Variants in MEIOB observed in about 807,000 individuals in gnomAD.
The protein encoded by MEIOB is meiosis specific with OB-fold.
In MEIOB, 50 loss-of-function variants were observed where a neutral mutation model predicts 53.1. The observed-to-expected ratio is 0.94, with a 90% CI of 0.75 to 1.19. The LOEUF (loss-of-function observed/expected upper bound fraction) is 1.19. Among genes scored for constraint, MEIOB ranks in the 50% most tolerant of loss-of-function variants. The pLI is 0.00. For missense variants in MEIOB, 551 were observed against 550.8 expected (o/e 1.00, Z 0.00); for synonymous variants, 192 against 182.5 (o/e 1.05, Z -0.42).
rs960351379 is a variant in MEIOB at position 1,869,521 on chromosome 16, C to T, written c.-9-1337G>A. 9.3e-4 allele frequency among the ~76,000 whole-genome samples: 141 copies of T among 151,920 alleles called. 1 individual carries two copies. Among genetic ancestry groups the T allele is most frequent in the African/African-American group, 3.3e-3 (137 of 41,318 alleles). On this transcript the variant is annotated intron_variant, in intron 1 of 13. Transcript: ENST00000325962. Reference sequence around the variant, plus strand: ...GGAGTGCAGTGGTGCAATCTCAGCTCACTGCAAGCTCCACCTCCTGGGTTC... The same window carrying T: ...GGAGTGCAGTGGTGCAATCTCAGCTTACTGCAAGCTCCACCTCCTGGGTTC...
At chr16:1,838,580 C>G (rs556057233) in intron 12 of MEIOB, among the ~76,000 whole-genome samples, 1 of 152,136 alleles carries the variant, frequency 6.6e-6, no homozygotes, top group East Asian at 1.9e-4. Flanking sequence ...GTAGGTGAAA[C>G]ACAGCCAAAT....
chr16:1,848,821 GGCATGAGCCAC>G (rs560928717), intron 9 of MEIOB, among the ~76,000 whole-genome samples: 4 of 152,100 alleles, frequency 2.6e-5, no homozygotes, highest in African/African-American at 9.6e-5. Context: ...TGGGATTACA[GGCATGAGCCAC>G]TGCGCCTGGC....
intron 10 of MEIOB, among the ~76,000 whole-genome samples, chr16:1,842,387 GGCAGATCACCT>G (rs1898932813): frequency 6.6e-6 from 1 of 151,058 alleles, no homozygotes; most frequent in Non-Finnish European, 1.5e-5. Context: ...GGTCGAGGTG[GGCAGATCACCT>G]GAGGTTGGGA....
intron 5 of MEIOB, 53 bp downstream of exon 5, chr16:1,860,350 C>A: frequency 1.0e-6 from 1 of 956,638 alleles, no homozygotes; most frequent in Non-Finnish European, 1.6e-6. Context: ...TCTGATACAA[C>A]ATTATTAGTA....
At chr16:1,863,849 T>A (rs1345632956) in intron 3 of MEIOB, among the ~76,000 whole-genome samples, 1 of 152,206 alleles carries the variant, frequency 6.6e-6, no homozygotes, top group Non-Finnish European at 1.5e-5. Context: ...AAATTTCATA[T>A]TGGTTTTGCT....
At position 1,834,045 on chromosome 16, in the gene MEIOB, G is replaced by C; in HGVS notation, c.*211C>G. 2.3e-6 allele frequency: 1 copy of C among 436,242 alleles called. No individual in the cohort carries two copies. 27.0% of individuals were successfully genotyped at this position (436,242 alleles called of 1,614,324 possible). A position where few individuals can be genotyped will look rare whatever the true frequency, so the allele number is the denominator to read the frequency against. On this transcript the variant is annotated 3_prime_UTR_variant, in exon 14 of 14. Coordinates refer to ENST00000325962, the MANE Select transcript of MEIOB (RefSeq NM_001163560.3). ...CATTTTCCAACTTGGGAGGAGACAA[G>C]GCAAAGACAGTAGGAGGCCTTCTAA... is the stretch of plus-strand genomic sequence containing the variant.
chr16:1,854,023 C>A, intron 7 of MEIOB, 77 bp downstream of exon 7: 1 of 806,646 alleles, frequency 1.2e-6, no homozygotes, highest in Non-Finnish European at 2.1e-6. Flanking sequence ...TGAAGTCCAT[C>A]ATATTTTTGA....
intron 9 of MEIOB, among the ~76,000 whole-genome samples, chr16:1,852,010 C>T (rs1365614169): frequency 6.6e-6 from 1 of 152,166 alleles, no homozygotes; most frequent in Non-Finnish European, 1.5e-5. Flanking sequence ...TAAACTGTAA[C>T]TCCTTCAACA....
intron 2 of MEIOB, 53 bp downstream of exon 2, chr16:1,868,054 G>C: frequency 1.1e-6 from 1 of 948,516 alleles, no homozygotes; most frequent in Non-Finnish European, 1.6e-6. Context: ...TTGATGTAAT[G>C]TTATCACATA....
At chr16:1,866,879 C>G (rs914590239) in intron 2 of MEIOB, among the ~76,000 whole-genome samples, 5 of 152,194 alleles carry the variant, frequency 3.3e-5, no homozygotes, top group Non-Finnish European at 7.3e-5. Context: ...CTCCTACATT[C>G]TAGCTGAGCT....
At chr16:1,866,921 T>C (rs1404257857) in intron 2 of MEIOB, among the ~76,000 whole-genome samples, 2 of 152,150 alleles carry the variant, frequency 1.3e-5, no homozygotes, top group Admixed American at 1.3e-4. Flanking sequence ...TTTAGACACA[T>C]TGATATTATT....
At chr16:1,863,431 G>T (rs376063458) in intron 3 of MEIOB, among the ~76,000 whole-genome samples, 2 of 151,478 alleles carry the variant, frequency 1.3e-5, no homozygotes, top group African/African-American at 4.8e-5. Context: ...TTGTTACCCA[G>T]GCTGGAGTGC....
At chr16:1,845,241 C>T (rs184250700) in intron 9 of MEIOB, among the ~76,000 whole-genome samples, 132 of 152,232 alleles carry the variant, frequency 8.7e-4, no homozygotes, top group African/African-American at 3.0e-3. Context: ...TATAAGGGAC[C>T]GGGCGCAGTG....
chr16:1,836,237 T>C (rs1356107218), intron 13 of MEIOB, among the ~76,000 whole-genome samples: 1 of 152,230 alleles, frequency 6.6e-6, no homozygotes, highest in Non-Finnish European at 1.5e-5. Flanking sequence ...AAATACTGTG[T>C]TACCTAATGC....
chr16:1,840,908 T>C (rs1898889122), intron 11 of MEIOB: 1 of 152,074 alleles, frequency 6.6e-6, no homozygotes, highest in African/African-American at 2.4e-5. Flanking sequence ...AAAATTCAGT[T>C]ATAAAAATCC....
chr16:1,842,381 G>A (rs1035725949), intron 10 of MEIOB, among the ~76,000 whole-genome samples: 2 of 150,926 alleles, frequency 1.3e-5, no homozygotes, highest in Admixed American at 6.6e-5. Context: ...TTGGGAGGTC[G>A]AGGTGGGCAG....
In MEIOB at chr16:1,834,146, C is replaced by T; in HGVS notation, c.*110G>A. ...CCATAACAATTTCTAGAAACATGTT[C>T]ACCACATGTAAACAAAATGCAATTT... On this transcript the variant is annotated 3_prime_UTR_variant, in exon 14 of 14. Transcript: ENST00000325962. 3.1e-6 allele frequency: 2 copies of T among 643,046 alleles called. No individual in the cohort carries two copies. The highest frequency in any genetic ancestry group is 5.5e-6 in the Non-Finnish European group (2 of 364,756). The allele number at this position is 643,046 out of a possible 1,614,324, so 39.8% of individuals were successfully genotyped here.
chr16:1,871,519 C>CTTT (rs71148106), intron 1 of MEIOB, among the ~76,000 whole-genome samples: 927 of 39,882 alleles, frequency 0.023, 79 homozygotes, highest in African/African-American at 0.057. Context: ...GCGCCCGGCC[C>CTTT]TTTTTTTTTT....
At chr16:1,840,706 G>A (rs1326556502) in intron 11 of MEIOB, among the ~76,000 whole-genome samples, 1 of 151,926 alleles carries the variant, frequency 6.6e-6, no homozygotes, top group Non-Finnish European at 1.5e-5. Context: ...CCACCACCAT[G>A]CCCGGCTAAT....
Sources: gnomAD v4.1 joint callset for allele counts (sites outside exome capture counted in the v4.1 genomes callset) on GRCh38, gnomAD v4.1.1 for gene constraint, MANE v1.5 for transcripts, NCBI Gene and HGNC (gene_info 2026-07-23, HGNC 2026-07-21) for gene names.